CMYA5: variants seen among roughly 807,000 people sequenced by gnomAD.
CMYA5 encodes cardiomyopathy associated 5.
Under a neutral mutation model 318.9 loss-of-function variants are expected in CMYA5, and 246 were observed. That is an observed-to-expected ratio of 0.77 (90% CI 0.70 to 0.86). The LOEUF (loss-of-function observed/expected upper bound fraction) is 0.86, where lower values mean the gene tolerates loss of function less well. CMYA5 is among the 40% of genes least tolerant of loss of function. The pLI is 0.00. For synonymous variants in CMYA5, 1,641 were observed against 1,729.5 expected (o/e 0.95, Z 1.27); for missense variants, 4,589 against 4,678.2 (o/e 0.98, Z 0.56).
At chr5:79,793,674 C>A in intron 12 of CMYA5, 64 bp downstream of exon 12, 1 of 1,443,524 alleles carries the variant, frequency 6.9e-7, no homozygotes, top group Non-Finnish European at 9.4e-7. Flanking sequence ...AGGCAGGGCT[C>A]TCTGAGGGAC....
At position 79,735,574 on chromosome 5, in the gene CMYA5, C is replaced by T; in HGVS notation, c.6809C>T (p.Ser2270Leu). The change falls in exon 2 of 13, where the codon TCA becomes TTA. Residue 2270 changes from serine to leucine, a missense_variant. Ser to Leu is a moderately radical substitution (Grantham distance 145). Transcript: ENST00000446378. ...QNVKEKSMIL[S>L]NVEDLQQPKF... The stretch of plus-strand genomic sequence containing the variant: ...GTTAAAGAAAAATCCATGATTTTAT[C>T]AAATGTAGAAGATTTACAACAGCCA... 3 of 1,613,144 alleles carry T rather than the reference C, an allele frequency of 1.9e-6. No individual in the cohort carries two copies. Among genetic ancestry groups the T allele is most frequent in the Non-Finnish European group, 2.5e-6 (3 of 1,179,638 alleles).
intron 1 of CMYA5, among the ~76,000 whole-genome samples, chr5:79,724,039 CG>C (rs1242647213): frequency 6.6e-6 from 1 of 151,720 alleles, no homozygotes; most frequent in Non-Finnish European, 1.5e-5. Flanking sequence ...TTTAATCGGC[CG>C]GGTGTGGTAC....
In CMYA5 at chr5:79,729,835, T is replaced by A; in HGVS notation, c.1070T>A (p.Leu357His). Residue 357 changes from leucine (L) to histidine (H), a missense_variant, in exon 2 of 13, where the codon CTC becomes CAC. This residue lies in a region of CMYA5 where 2,132 missense variants were observed against 2,131.3 expected (regional missense o/e 1.00). Transcript: ENST00000446378. ...GGCAGAGCAGAACAAGGAATACAGC[T>A]CAGGCATTCACAGTCAGTGCCACAA... Reference protein sequence around the residue: ...SSGRAEQGIQLRHSQSVPQQP... With the variant: ...SSGRAEQGIQHRHSQSVPQQP... 1 of 1,613,014 alleles carries A rather than the reference T, an allele frequency of 6.2e-7. No individual in the cohort carries two copies. Among genetic ancestry groups the A allele is most frequent in the Non-Finnish European group, 8.5e-7 (1 of 1,179,430 alleles).
rs2151086030 is a variant in CMYA5 at position 79,733,518 on chromosome 5, C to T, written c.4753C>T (p.Leu1585=). ...AGCATCAGGTTTAGCCCCAACATTA[C>T]TGCTCCTCAGTGATGATAAGAACAA... ...NLASGLAPTL[L]LLSDDKNKPA... Residue 1585 remains leucine (L), a synonymous_variant, in exon 2 of 13, where the codon CTG becomes TTG. Transcript: ENST00000446378. 6.2e-7 allele frequency: 1 copy of T among 1,613,930 alleles called. No individual in the cohort carries two copies. The highest frequency in any genetic ancestry group is 1.1e-5 in the South Asian group (1 of 91,078).
rs537091226 is a variant in CMYA5, at chr5:79,704,496, C to T, written c.149+14440C>T. On this transcript the variant is annotated intron_variant, in intron 1 of 12. Transcript: ENST00000446378. ...CCTTCATCAAAGCAAGTCATGCCAA[C>T]AAGCAGAAGTTTTCCTACCCCTTTA... Among the ~76,000 whole-genome samples the T allele has an allele frequency of 1.5e-3, 229 of 152,244 alleles. 1 individual carries two copies. Among genetic ancestry groups the T allele is most frequent in the South Asian group, 3.7e-3 (18 of 4,832 alleles).
chr5:79,786,194 C>T (rs1347414897), intron 9 of CMYA5, among the ~76,000 whole-genome samples: 1 of 152,208 alleles, frequency 6.6e-6, no homozygotes, highest in Admixed American at 6.5e-5. Context: ...TCCACTGGAG[C>T]TTATCATCCA....
intron 5 of CMYA5, among the ~76,000 whole-genome samples, chr5:79,752,405 G>A (rs903567464): frequency 2.8e-4 from 43 of 152,116 alleles, no homozygotes; most frequent in Admixed American, 2.8e-3. Context: ...CAACTTTATA[G>A]GTAAAACACT....
intron 6 of CMYA5, 44 bp from the exon 7 acceptor site, chr5:79,758,709 A>T (rs750959985): frequency 2.7e-6 from 4 of 1,503,366 alleles, no homozygotes; most frequent in Non-Finnish European, 3.6e-6. Flanking sequence ...CCAAAAAATT[A>T]ATAAAAACAG....
At chr5:79,745,853 C>T (rs114483905) in intron 4 of CMYA5, among the ~76,000 whole-genome samples, 128 of 152,354 alleles carry the variant, frequency 8.4e-4, no homozygotes, top group African/African-American at 3.0e-3. Flanking sequence ...AGTGACCACT[C>T]ATATGGGCTG....
intron 1 of CMYA5, among the ~76,000 whole-genome samples, chr5:79,692,080 A>G (rs1296463496): frequency 6.6e-6 from 1 of 152,222 alleles, no homozygotes; most frequent in African/African-American, 2.4e-5. Context: ...TGAAGCCTCC[A>G]GGTAGCCAGC....
intron 9 of CMYA5, among the ~76,000 whole-genome samples, chr5:79,773,113 T>C (rs1465566486): frequency 6.6e-6 from 1 of 152,202 alleles, no homozygotes; most frequent in East Asian, 1.9e-4. Context: ...CCAAGATTTG[T>C]TTGATCTCAC....
At chr5:79,769,412 G>C (rs533691124) in intron 9 of CMYA5, among the ~76,000 whole-genome samples, 11 of 151,998 alleles carry the variant, frequency 7.2e-5, no homozygotes, top group Non-Finnish European at 1.2e-4. Flanking sequence ...TTTTGCACTG[G>C]TTTTTCCCTC....
rs1828166547 is a variant in CMYA5, at chr5:79,739,368, G to A, written c.10603G>A (p.Val3535Ile). Residue 3535 changes from valine (V) to isoleucine (I), a missense_variant, in exon 2 of 13, where the codon GTT (valine) becomes ATT (isoleucine). This residue lies in a region of CMYA5 where 2,431 missense variants were observed against 2,495.1 expected (regional missense o/e 0.97). Coordinates refer to ENST00000446378, the MANE Select transcript of CMYA5 (RefSeq NM_153610.5). ...GTTTGGCACCCACAAAGACCATGAA[G>A]TTTCAACGCTTGACACAGCTATAAG... ...KVFGTHKDHE[V>I]STLDTAISAV... 2 of 1,556,076 alleles carry A rather than the reference G, an allele frequency of 1.3e-6. No individual in the cohort carries two copies. The highest frequency in any genetic ancestry group is 1.7e-6 in the Non-Finnish European group (2 of 1,150,760).
chr5:79,718,563 G>A (rs1827563413), intron 1 of CMYA5, among the ~76,000 whole-genome samples: 1 of 152,062 alleles, frequency 6.6e-6, no homozygotes, highest in Non-Finnish European at 1.5e-5. Context: ...TTGCTTGAGA[G>A]AATAAAGCAT....
At chr5:79,725,617 T>C (rs1273423754) in intron 1 of CMYA5, among the ~76,000 whole-genome samples, 2 of 152,136 alleles carry the variant, frequency 1.3e-5, no homozygotes, top group Admixed American at 6.5e-5. Flanking sequence ...AAAATAAAAA[T>C]GGAAGCAGAG....
In CMYA5 at chr5:79,735,874, A is replaced by G; in HGVS notation, c.7109A>G (p.Gln2370Arg). The change falls in exon 2 of 13, where the codon CAA becomes CGA. Residue 2370 changes from glutamine (Q) to arginine (R), a missense_variant. Physicochemically the swap from Gln to Arg is conservative, Grantham distance 43 (BLOSUM62 1). Coordinates refer to ENST00000446378, the MANE Select transcript of CMYA5 (RefSeq NM_153610.5). ...SIFKEEPRSD[Q>R]KQKSLLSFDV... is the part of the protein sequence containing the mutation. ...TTTAAGGAAGAGCCAAGAAGTGATC[A>G]AAAACAAAAATCACTCCTTTCATTT... 1.3e-6 allele frequency: 2 copies of G among 1,577,544 alleles called. No individual in the cohort carries two copies. Among genetic ancestry groups the G allele is most frequent in the Non-Finnish European group, 1.7e-6 (2 of 1,168,542 alleles).
At chr5:79,760,655 A>T (rs1828633785) in intron 7 of CMYA5, among the ~76,000 whole-genome samples, 1 of 152,200 alleles carries the variant, frequency 6.6e-6, no homozygotes, top group Non-Finnish European at 1.5e-5. Flanking sequence ...ACAGCAAGGG[A>T]GAAGTCCACC....
At chr5:79,769,601 C>T (rs964901700) in intron 9 of CMYA5, among the ~76,000 whole-genome samples, 2 of 152,126 alleles carry the variant, frequency 1.3e-5, no homozygotes, top group Non-Finnish European at 2.9e-5. Flanking sequence ...CCACTCCAGA[C>T]CCTGTTTGCC....
rs550474848 is a variant in CMYA5 at position 79,794,143 on chromosome 5, C to T, written c.11963+533C>T. On this transcript the variant is annotated intron_variant, in intron 12 of 12. Coordinates refer to ENST00000446378, the MANE Select transcript of CMYA5 (RefSeq NM_153610.5). ...CACCTCCCTCCACATTGGTCCATAT[C>T]GGGGGTTGGCAAACTATAGCCCATA... is the stretch of plus-strand genomic sequence containing the variant. Among the ~76,000 whole-genome samples, 12 of 152,300 alleles carry T rather than the reference C, an allele frequency of 7.9e-5. No homozygotes were observed. In the East Asian group the frequency reaches 2.1e-3, roughly 27 times the overall value.
Sources: allele counts gnomAD v4.1 joint callset (sites outside exome capture counted in the v4.1 genomes callset), GRCh38; gene constraint gnomAD v4.1.1; regional missense constraint gnomAD v4.1.1; transcripts MANE v1.5; gene names NCBI Gene and HGNC (gene_info 2026-07-23, HGNC 2026-07-21).